CD300E: variants seen among roughly 807,000 people sequenced by gnomAD.
CD300E encodes the protein CMRF35-like molecule 2.
A neutral mutation model predicts 20.9 loss-of-function variants in CD300E; 14 were observed. The ratio of observed to expected loss-of-function variants is 0.67; its 90% CI spans 0.44 to 1.05. CD300E has a LOEUF of 1.05. Ranked by LOEUF, CD300E falls within the 50% of genes least tolerant of loss-of-function variation. CD300E has a pLI of 0.00. For missense variants in CD300E, 237 were observed against 253.9 expected (o/e 0.93, Z 0.45); for synonymous variants, 102 against 103.7 (o/e 0.98, Z 0.10).
chr17:74,619,360 T>C, intron 1 of CD300E: 1 of 235,364 alleles, frequency 4.2e-6, no homozygotes, highest in Non-Finnish European at 8.8e-6. Context: ...GAATGTGTCC[T>C]AGAATTCCTG....
Position 74,623,666 on chromosome 17 carries a change from G to C in CD300E, c.-45C>G, listed in dbSNP as rs767575109. On this transcript the variant is annotated 5_prime_UTR_variant, in exon 1 of 4. Coordinates refer to ENST00000392619, the MANE Select transcript of CD300E (RefSeq NM_181449.3). ...CCGTCCTCAGCAAATCTAGGTCCCA[G>C]CTGGAATCCAAGTATATGTAACGGA... 5 of 1,609,606 alleles carry C rather than the reference G, an allele frequency of 3.1e-6. No individual in the cohort carries two copies. The highest frequency in any genetic ancestry group is 3.3e-5 in the Admixed American group (2 of 59,998).
intron 1 of CD300E, among the ~76,000 whole-genome samples, chr17:74,621,380 T>C (rs1487451022): frequency 6.6e-6 from 1 of 152,096 alleles, no homozygotes; most frequent in Non-Finnish European, 1.5e-5. Context: ...GGACCAGTGA[T>C]GAGAGAGTGT....
intron 3 of CD300E, 57 bp from the exon 4 acceptor site, chr17:74,612,830 C>G: frequency 1.3e-6 from 2 of 1,587,256 alleles, no homozygotes. Context: ...CAGGACCCTT[C>G]TCTCCCCACC....
At chr17:74,618,267 C>T (rs989092757) in intron 1 of CD300E, among the ~76,000 whole-genome samples, 5 of 152,166 alleles carry the variant, frequency 3.3e-5, no homozygotes, top group African/African-American at 9.7e-5. Context: ...CTCAGCAGAG[C>T]CCCCCAATAT....
intron 1 of CD300E, chr17:74,618,999 C>G (rs984533882): frequency 1.3e-5 from 6 of 454,126 alleles, no homozygotes; most frequent in Non-Finnish European, 2.3e-5. Flanking sequence ...CAGGAATCTT[C>G]CCATTCCCAA....
intron 1 of CD300E, among the ~76,000 whole-genome samples, chr17:74,621,549 A>C (rs1336876559): frequency 6.6e-6 from 1 of 152,216 alleles, no homozygotes; most frequent in Non-Finnish European, 1.5e-5. Flanking sequence ...AATTGATGGA[A>C]TTATATAAAT....
chr17:74,620,085 T>A (rs1334351981), intron 1 of CD300E, among the ~76,000 whole-genome samples: 1 of 152,232 alleles, frequency 6.6e-6, no homozygotes, highest in African/African-American at 2.4e-5. Flanking sequence ...ACGCCTGTAA[T>A]CCCAGCACTT....
chr17:74,612,623 G>C lies in CD300E; in HGVS notation c.*30C>G. On this transcript the variant is annotated 3_prime_UTR_variant, in exon 4 of 4. Transcript: ENST00000392619. Reference sequence around the variant, plus strand: ...CTGCACGGGGCACTCCTGGGGATGGGGCTCTGCAGGGCTTCGGGTCAGCCT... The same window carrying C: ...CTGCACGGGGCACTCCTGGGGATGGCGCTCTGCAGGGCTTCGGGTCAGCCT... 1 of 1,610,688 alleles carries C rather than the reference G, an allele frequency of 6.2e-7. No individual in the cohort carries two copies. The highest frequency in any genetic ancestry group is 8.5e-7 in the Non-Finnish European group (1 of 1,179,234).
intron 1 of CD300E, among the ~76,000 whole-genome samples, chr17:74,621,720 C>T (rs561653284): frequency 1.1e-4 from 17 of 152,160 alleles, no homozygotes; most frequent in African/African-American, 2.9e-4. Flanking sequence ...ATTCTTGACA[C>T]CTCCATGGCC....
intron 1 of CD300E, among the ~76,000 whole-genome samples, chr17:74,621,108 A>C (rs1178681548): frequency 6.6e-6 from 1 of 152,214 alleles, no homozygotes; most frequent in Non-Finnish European, 1.5e-5. Context: ...TGATTAAATC[A>C]CAGACCCTCA....
intron 2 of CD300E, among the ~76,000 whole-genome samples, chr17:74,616,426 T>A (rs776129608): frequency 3.9e-5 from 6 of 152,104 alleles, no homozygotes; most frequent in Non-Finnish European, 7.4e-5. Context: ...CAAGGCAAGA[T>A]TGCCAAGTTA....
chr17:74,620,270 G>A (rs1333011543), intron 1 of CD300E, among the ~76,000 whole-genome samples: 10 of 152,178 alleles, frequency 6.6e-5, no homozygotes, highest in Admixed American at 4.6e-4. Context: ...TCAGGAGTTC[G>A]AAACCAGCCT....
chr17:74,620,981 T>C (rs918170989), intron 1 of CD300E, among the ~76,000 whole-genome samples: 2 of 151,696 alleles, frequency 1.3e-5, no homozygotes, highest in Admixed American at 1.3e-4. Context: ...TGGCGGAGGT[T>C]GCAGTGAGCC....
intron 2 of CD300E, among the ~76,000 whole-genome samples, chr17:74,615,049 C>T (rs2030870552): frequency 6.6e-6 from 1 of 152,222 alleles, no homozygotes; most frequent in Non-Finnish European, 1.5e-5. Context: ...GAGCCCCACC[C>T]CGTTGGAGGG....
rs151251600 is a variant in CD300E at position 74,612,743 on chromosome 17, G to A, written c.528C>T (p.Leu176=). The change falls in exon 4 of 4, where the codon CTC becomes CTT. Residue 176 remains leucine, a synonymous_variant. Coordinates refer to ENST00000392619, the MANE Select transcript of CD300E (RefSeq NM_181449.3). ...GFRLSSPHFL[L]VVLLKLPLLL... is the part of the protein sequence containing the mutation. ...GCAGGGGCAGCTTCAGAAGGACCAC[G>A]AGCAGGAAGTGAGGGCTGCTGAGCC... The A allele has an allele frequency of 4.8e-5, 78 of 1,613,960 alleles. 1 individual carries two copies. The Middle Eastern group carries it at 8.2e-4, about 17-fold the overall frequency.
At position 74,617,425 on chromosome 17, in the gene CD300E, A is replaced by G. The variant is rs374553290; in HGVS notation, c.81T>C (p.Thr27=). The change falls in exon 2 of 4, where the codon ACT becomes ACC. Residue 27 remains threonine, a synonymous_variant. Transcript: ENST00000392619. ...ACCACACTGTCAGAGAGTCCCCCGC[A>G]GTGCCAGTCACAGAGCCGGGGCCCT... The part of the protein sequence containing the change: ...SLKGPGSVTG[T]AGDSLTVWCQ... The G allele has an allele frequency of 6.2e-6, 10 of 1,613,946 alleles. No homozygotes were observed. Among genetic ancestry groups the G allele is most frequent in the Non-Finnish European group, 8.5e-6 (10 of 1,180,008 alleles).
intron 1 of CD300E, among the ~76,000 whole-genome samples, chr17:74,622,728 G>A (rs2031046666): frequency 8.3e-6 from 1 of 120,604 alleles, no homozygotes; most frequent in South Asian, 2.8e-4. Context: ...TAAGGTAGAT[G>A]TTGAGGATGG....
rs759179137 is a variant in CD300E, at chr17:74,617,499, T to A, written c.41-34A>T. 6 of 1,563,954 alleles carry A rather than the reference T, an allele frequency of 3.8e-6. No individual in the cohort carries two copies. In the South Asian group the frequency reaches 4.5e-5, roughly 12 times the overall value. On this transcript the variant is annotated intron_variant, in intron 1 of 3. Coordinates refer to ENST00000392619, the MANE Select transcript of CD300E (RefSeq NM_181449.3). ...CACAAGCCCGAGTCCCAAGTCTCCA[T>A]CCAGATGGCCCCATCAGCAGCCGTC... is the stretch of plus-strand genomic sequence containing the variant.
At chr17:74,618,974 T>G (rs1379406766) in intron 1 of CD300E, 1 of 430,858 alleles carries the variant, frequency 2.3e-6, no homozygotes, top group Non-Finnish European at 4.8e-6. Flanking sequence ...TTCCTCGCTC[T>G]GGATGCTGTG....
Sources: allele counts gnomAD v4.1 joint callset (sites outside exome capture counted in the v4.1 genomes callset), GRCh38; gene constraint gnomAD v4.1.1; transcripts MANE v1.5; gene names NCBI Gene and HGNC (gene_info 2026-07-23, HGNC 2026-07-21).